NIBAN2: variants seen among roughly 807,000 people sequenced by gnomAD.
The protein encoded by NIBAN2 is protein Niban 2.
In NIBAN2, 36 loss-of-function variants were observed where a neutral mutation model predicts 81.8. The ratio of observed to expected loss-of-function variants is 0.44; its 90% confidence interval spans 0.34 to 0.58. The LOEUF is 0.58. NIBAN2 is among the 20% of genes least tolerant of loss of function. The pLI, the probability that NIBAN2 is intolerant of heterozygous loss-of-function variation, is 0.02. For synonymous variants in NIBAN2, 445 were observed against 441.6 expected (o/e 1.01, Z -0.10); for missense variants, 897 against 1,014.1 (o/e 0.88, Z 1.57).
chr9:127,572,424 A>G (rs903618626), upstream of NIBAN2, among the ~76,000 whole-genome samples: 5 of 152,244 alleles, frequency 3.3e-5, no homozygotes, highest in African/African-American at 9.6e-5. Flanking sequence ...TAGAGGTTAT[A>G]GTCTTATGAA....
intron 1 of NIBAN2, among the ~76,000 whole-genome samples, chr9:127,537,633 G>C (rs1025293134): frequency 2.6e-5 from 4 of 152,302 alleles, no homozygotes; most frequent in Middle Eastern, 3.4e-3. Context: ...GCCCAGAGCC[G>C]TTGGTTGCCC....
At position 127,536,176 on chromosome 9, in the gene NIBAN2, GA is replaced by G. The variant is rs1229012661; in HGVS notation, c.56-4399del. ...GAACCGCCACGTGCTTTGTACAGAG[GA>G]AGTAACCCAGAGACGCAGAAGATGA... is the stretch of plus-strand genomic sequence containing the variant. On this transcript the variant is annotated intron_variant, in intron 1 of 13. Transcript: ENST00000373312. This position sits in a 1 kb window ranked among gnomAD's most constrained non-coding sequence, Gnocchi z 4.0. Among the ~76,000 whole-genome samples the G allele has an allele frequency of 6.6e-6, 1 of 152,188 alleles. No homozygotes were observed. Among genetic ancestry groups the G allele is most frequent in the Non-Finnish European group, 1.5e-5 (1 of 68,030 alleles).
intron 5 of NIBAN2, among the ~76,000 whole-genome samples, chr9:127,522,148 C>G (rs9886844): frequency 5.3e-5 from 8 of 152,174 alleles, no homozygotes. Flanking sequence ...CCACAGTCCC[C>G]GGGACCTGGG....
At position 127,508,856 on chromosome 9, in the gene NIBAN2, G is replaced by A. The variant is rs1588150186; in HGVS notation, c.1317+120C>T. 4 of 1,119,376 alleles carry A rather than the reference G, an allele frequency of 3.6e-6. No individual in the cohort carries two copies. Among genetic ancestry groups the A allele is most frequent in the East Asian group, 2.4e-5 (1 of 41,948 alleles). The allele number at this position is 1,119,376 out of a possible 1,614,324, so 69.3% of individuals were successfully genotyped here. ...GATGTTCCAAGCAGAGGAGGAGAGA[G>A]CGTGCCAGGCAAGCGTGGCTATGGC... is the stretch of plus-strand genomic sequence containing the variant. On this transcript the variant is annotated intron_variant, in intron 10 of 13. Coordinates refer to ENST00000373312, the MANE Select transcript of NIBAN2 (RefSeq NM_022833.4). This position sits in a 1 kb window ranked among gnomAD's most constrained non-coding sequence, Gnocchi z 6.4.
chr9:127,507,024 G>C lies in NIBAN2; in HGVS notation c.2062C>G (p.Pro688Ala), dbSNP rs1487337466. ...AGESPQPKAA[P>A]EASSPPASPL... ...GAGGCAGGCGGCGAGGAGGCCTCGG[G>C]GGCGGCCTTAGGCTGGGGACTCTCC... Residue 688 changes from proline (P) to alanine (A), a missense_variant, in exon 14 of 14, where the codon CCC (proline) becomes GCC (alanine). This residue lies in a region of NIBAN2 where 619 missense variants were observed against 691.0 expected (regional missense o/e 0.90). Transcript: ENST00000373312. This position sits in a 1 kb window ranked among gnomAD's most constrained non-coding sequence, Gnocchi z 6.8. The C allele has an allele frequency of 9.4e-6, 15 of 1,591,156 alleles. No homozygotes were observed. The highest frequency in any genetic ancestry group is 1.1e-5 in the Non-Finnish European group (13 of 1,167,800).
At chr9:127,544,057 A>T (rs1013127400) in intron 1 of NIBAN2, among the ~76,000 whole-genome samples, 1 of 152,224 alleles carries the variant, frequency 6.6e-6, no homozygotes, top group African/African-American at 2.4e-5. Context: ...TGGGATGTGA[A>T]GGCAAGCCTG....
intron 9 of NIBAN2, chr9:127,509,927 C>A: frequency 2.6e-6 from 1 of 388,242 alleles, no homozygotes. Flanking sequence ...GGCTGGTGGC[C>A]GGGAGCTAAT....
At chr9:127,565,948 A>G (rs57269787) in intron 1 of NIBAN2, among the ~76,000 whole-genome samples, 1 of 119,626 alleles carries the variant, frequency 8.4e-6, no homozygotes, top group Non-Finnish European at 1.7e-5. Context: ...TCTCTCTCTC[A>G]CACACACACA....
In NIBAN2 at chr9:127,563,344, C is replaced by A. The variant is rs950810251; in HGVS notation, c.55+5476G>T. ...GACACTTCGCCCCCAGGGGCTGACC[C>A]GGACCTTGGCTAAGGGCAGCGGCCC... On this transcript the variant is annotated intron_variant, in intron 1 of 13. Coordinates refer to ENST00000373312, the MANE Select transcript of NIBAN2 (RefSeq NM_022833.4). The surrounding 1 kb of genome is among the most constrained non-coding windows in gnomAD (Gnocchi z 4.1). Among the ~76,000 whole-genome samples, 1 of 152,240 alleles carries A rather than the reference C, an allele frequency of 6.6e-6. No homozygotes were observed. Among genetic ancestry groups the A allele is most frequent in the South Asian group, 2.1e-4 (1 of 4,830 alleles).
chr9:127,517,785 GGT>G lies in NIBAN2; in HGVS notation c.705+39_705+40del. 6.6e-7 allele frequency: 1 copy of G among 1,516,486 alleles called. No homozygotes were observed. The highest frequency in any genetic ancestry group is 9.1e-7 in the Non-Finnish European group (1 of 1,096,588). The allele number at this position is 1,516,486 out of a possible 1,614,324, so 93.9% of individuals were successfully genotyped here. The stretch of plus-strand genomic sequence containing the variant: ...CCTGCCCTCCCCTGCTGGGTCCTTG[GGT>G]GACTTCTGAGGTTTCCTCACCAGCC... On this transcript the variant is annotated intron_variant, in intron 6 of 13. Transcript: ENST00000373312. The surrounding 1 kb of genome is among the most constrained non-coding windows in gnomAD (Gnocchi z 4.0).
At position 127,506,630 on chromosome 9, in the gene NIBAN2, T is replaced by TGA; in HGVS notation, c.*213_*214dup. 2.3e-6 allele frequency: 1 copy of TGA among 441,008 alleles called. No individual in the cohort carries two copies. 27.3% of individuals were successfully genotyped at this position (441,008 alleles called of 1,614,324 possible). The stretch of plus-strand genomic sequence containing the variant: ...AAACCCCAAAACCAGCCCCTGCATC[T>TGA]GAGATCATCCCACAGAAGAGAAAAC... On this transcript the variant is annotated 3_prime_UTR_variant, in exon 14 of 14. Coordinates refer to ENST00000373312, the MANE Select transcript of NIBAN2 (RefSeq NM_022833.4).
Position 127,508,334 on chromosome 9 carries a change from G to T in NIBAN2, c.1434+88C>A. ...AAGAGGACCATGGCGCCTCCTTGCA[G>T]GGACAGCAATCCTGGTGGTGGCCGG... On this transcript the variant is annotated intron_variant, in intron 11 of 13. Transcript: ENST00000373312. The surrounding 1 kb of genome is among the most constrained non-coding windows in gnomAD (Gnocchi z 6.4). The T allele has an allele frequency of 7.3e-7, 1 of 1,371,592 alleles. No homozygotes were observed. Among genetic ancestry groups the T allele is most frequent in the African/African-American group, 1.4e-5 (1 of 70,352 alleles). The allele number at this position is 1,371,592 out of a possible 1,614,324, so 85.0% of individuals were successfully genotyped here.
chr9:127,545,073 C>A lies in NIBAN2; in HGVS notation c.56-13295G>T, dbSNP rs1442807740. Among the ~76,000 whole-genome samples the A allele has an allele frequency of 6.6e-6, 1 of 152,184 alleles. No homozygotes were observed. Among genetic ancestry groups the A allele is most frequent in the Non-Finnish European group, 1.5e-5 (1 of 68,032 alleles). On this transcript the variant is annotated intron_variant, in intron 1 of 13. Transcript: ENST00000373312. This position sits in a 1 kb window ranked among gnomAD's most constrained non-coding sequence, Gnocchi z 4.7. ...GAATGGGGCTTTCACACCCAGCGAA[C>A]CCAAGCGAACCGCAACCTCAGCCCC...
chr9:127,564,929 G>A (rs935421264), intron 1 of NIBAN2, among the ~76,000 whole-genome samples: 33 of 152,116 alleles, frequency 2.2e-4, no homozygotes, highest in African/African-American at 7.7e-4. Flanking sequence ...AGAGAGGTAG[G>A]TTTGGAAATG....
At chr9:127,540,720 A>T (rs1837362511) in intron 1 of NIBAN2, among the ~76,000 whole-genome samples, 1 of 152,126 alleles carries the variant, frequency 6.6e-6, no homozygotes, top group Non-Finnish European at 1.5e-5. Context: ...AGAGGAAGAG[A>T]GTCATCTCCA....
chr9:127,506,656 AGGG>A lies in NIBAN2; in HGVS notation c.*186_*188del. On this transcript the variant is annotated 3_prime_UTR_variant, in exon 14 of 14. Transcript: ENST00000373312. ...GAGATCATCCCACAGAAGAGAAAAC[AGGG>A]AGCAAGAAAGTGTTGACTGAACCCA... 1 of 467,844 alleles carries A rather than the reference AGGG, an allele frequency of 2.1e-6. No individual in the cohort carries two copies. Among genetic ancestry groups the A allele is most frequent in the Non-Finnish European group, 3.7e-6 (1 of 267,330 alleles). The allele number at this position is 467,844 out of a possible 1,614,324, so 29.0% of individuals were successfully genotyped here.
chr9:127,527,735 C>A (rs2243557), intron 2 of NIBAN2, among the ~76,000 whole-genome samples: 3 of 152,112 alleles, frequency 2.0e-5, no homozygotes, highest in African/African-American at 4.8e-5. Flanking sequence ...GCTCCGGGCA[C>A]GGGGGACACA....
At position 127,507,236 on chromosome 9, in the gene NIBAN2, C is replaced by T. The variant is rs745760357; in HGVS notation, c.1850G>A (p.Arg617Gln). The T allele has an allele frequency of 1.1e-5, 18 of 1,610,950 alleles. No individual in the cohort carries two copies. The highest frequency in any genetic ancestry group is 1.4e-5 in the Non-Finnish European group (16 of 1,178,160). Residue 617 changes from arginine (R) to glutamine (Q), a missense_variant, in exon 14 of 14, where the codon CGG (arginine) becomes CAG (glutamine). Around this residue, in one of 3 missense-constraint regions of NIBAN2, gnomAD observed 619 missense variants for 691.0 expected, o/e 0.90. Transcript: ENST00000373312. The surrounding 1 kb of genome is among the most constrained non-coding windows in gnomAD (Gnocchi z 6.8). ...PESATLSEKR[R>Q]RAKQVVSVVQ... ...CACAGAGACCACCTGCTTGGCGCGC[C>T]GTCGCTTTTCCGAGAGGGTGGCTGA...
rs1837807655 is a variant in NIBAN2 at position 127,563,487 on chromosome 9, C to G, written c.55+5333G>C. Among the ~76,000 whole-genome samples the G allele has an allele frequency of 6.6e-6, 1 of 151,802 alleles. No homozygotes were observed. The highest frequency in any genetic ancestry group is 2.4e-5 in the African/African-American group (1 of 41,324). On this transcript the variant is annotated intron_variant, in intron 1 of 13. Transcript: ENST00000373312. The surrounding 1 kb of genome is among the most constrained non-coding windows in gnomAD (Gnocchi z 4.1). ...GGTGGAACCCCTCCATCCCTTCACT[C>G]TTGGCATCTACAGCCACTTCCCAAA...
Sources: gnomAD v4.1 joint callset for allele counts (sites outside exome capture counted in the v4.1 genomes callset) on GRCh38, gnomAD v4.1.1 for gene constraint, gnomAD v4.1.1 regional missense constraint, Gnocchi (gnomAD v3.1) non-coding constraint, MANE v1.5 for transcripts, NCBI Gene and HGNC (gene_info 2026-07-23, HGNC 2026-07-21) for gene names.